The following CACNA1C variants were observed in gnomAD, a reference collection of about 807,000 sequenced individuals.
CACNA1C encodes the protein voltage-dependent L-type calcium channel subunit alpha-1C.
A neutral mutation model predicts 229.0 loss-of-function variants in CACNA1C; 30 were observed. That is an observed-to-expected ratio of 0.13 (90% CI 0.10 to 0.18). CACNA1C has a LOEUF of 0.18. Ranked by LOEUF, CACNA1C falls within the 10% of genes least tolerant of loss-of-function variation. The probability of loss-of-function intolerance (pLI) is 1.00; values close to 1 mark genes in which losing one functional copy is unlikely to be tolerated. For synonymous variants in CACNA1C, 1,114 were observed against 1,132.5 expected, an observed-to-expected ratio of 0.98 and a Z score of 0.33; for missense variants, 1,658 against 2,845.0, an observed-to-expected ratio of 0.58 and a Z score of 9.49.
At chr12:2,250,060 G>A (rs1394171248) in intron 3 of CACNA1C, among the ~76,000 whole-genome samples, 1 of 151,940 alleles carries the variant, frequency 6.6e-6, no homozygotes, top group Non-Finnish European at 1.5e-5. Flanking sequence ...CACCTGCCTC[G>A]GCCTCCCAGA....
At chr12:2,236,696 C>A (rs1337859215) in intron 3 of CACNA1C, among the ~76,000 whole-genome samples, 1 of 152,150 alleles carries the variant, frequency 6.6e-6, no homozygotes, top group East Asian at 1.9e-4. Flanking sequence ...AAGGTTGAAT[C>A]CATCACAAAA....
intron 3 of CACNA1C, among the ~76,000 whole-genome samples, chr12:2,211,573 CCTT>C (rs773247373): frequency 1.0e-3 from 159 of 152,308 alleles, no homozygotes; most frequent in Non-Finnish European, 2.1e-3. Context: ...AGCAGACTCT[CCTT>C]CTTCTAAGAG....
At chr12:2,099,504 G>A (rs537188469) in intron 1 of CACNA1C, among the ~76,000 whole-genome samples, 1 of 152,196 alleles carries the variant, frequency 6.6e-6, no homozygotes, top group East Asian at 2.0e-4. Flanking sequence ...GGAGGCAGGC[G>A]GCCTGTCTGT....
intron 3 of CACNA1C, among the ~76,000 whole-genome samples, chr12:2,242,763 T>A (rs2071101817): frequency 6.6e-6 from 1 of 152,248 alleles, no homozygotes; most frequent in African/African-American, 2.4e-5. Context: ...TTTCCTTGTT[T>A]GTAAATGAGA....
chr12:2,194,286 CCCT>C (rs2097334415), intron 3 of CACNA1C, among the ~76,000 whole-genome samples: 44 of 145,950 alleles, frequency 3.0e-4, no homozygotes, highest in Admixed American at 2.7e-3. Context: ...CTGCTCCTAT[CCCT>C]CCTCCTCCTA....
chr12:2,197,261 G>A (rs1170089007), intron 3 of CACNA1C, among the ~76,000 whole-genome samples: 2 of 152,204 alleles, frequency 1.3e-5, no homozygotes, highest in Non-Finnish European at 2.9e-5. Context: ...CCCTGTTACA[G>A]TGTGTAAACT....
intron 3 of CACNA1C, among the ~76,000 whole-genome samples, chr12:2,426,179 A>C (rs1017623538): frequency 6.6e-6 from 1 of 152,226 alleles, no homozygotes; most frequent in Non-Finnish European, 1.5e-5. Context: ...TGAGCAGTAC[A>C]TACGCCCACC....
chr12:2,355,545 A>G (rs945454122), intron 3 of CACNA1C, among the ~76,000 whole-genome samples: 2 of 152,210 alleles, frequency 1.3e-5, no homozygotes, highest in African/African-American at 4.8e-5. Context: ...GAGACTTGTC[A>G]AAACCCTACT....
rs369322665 is a variant in CACNA1C, at chr12:1,986,015, G to A, written c.139+14814G>A. 1.1e-4 allele frequency among the ~76,000 whole-genome samples: 16 copies of A among 151,962 alleles called. 1 individual carries two copies. The highest frequency in any genetic ancestry group is 6.2e-4 in the South Asian group (3 of 4,816). ...TTTTTAGTAGAGATGGAGTTTCACC[G>A]TGTTAGCCAGGATGGTCTCGATCTC... On this transcript the variant is annotated intron_variant, in intron 1 of 46. Coordinates refer to the CACNA1C transcript ENST00000682462.
rs759910534 is a variant in CACNA1C, at chr12:2,079,588, C to T, written c.49+25977C>T. 1.1e-4 allele frequency among the ~76,000 whole-genome samples: 17 copies of T among 152,130 alleles called. 1 individual carries two copies. Among genetic ancestry groups the T allele is most frequent in the Admixed American group, 7.2e-4 (11 of 15,268 alleles). On this transcript the variant is annotated intron_variant, in intron 1 of 46. Transcript: ENST00000399655. ...TATGACCTAATTACCTCCAGAAGGCCGCACCTCCTCATACCATCACACTGG... is the reference window on the plus strand; with the variant it reads ...TATGACCTAATTACCTCCAGAAGGCTGCACCTCCTCATACCATCACACTGG...
chr12:2,298,672 A>G (rs571231145), intron 3 of CACNA1C, among the ~76,000 whole-genome samples: 2 of 152,338 alleles, frequency 1.3e-5, no homozygotes, highest in East Asian at 1.9e-4. Context: ...GAAGGTGACA[A>G]GTGGAGCCCG....
chr12:2,161,783 A>G (rs1043309461), intron 3 of CACNA1C, among the ~76,000 whole-genome samples: 2 of 152,182 alleles, frequency 1.3e-5, no homozygotes, highest in Non-Finnish European at 2.9e-5. Flanking sequence ...CAGGCTGGAG[A>G]CCGTATATCA....
chr12:2,292,105 A>G (rs1331592171), intron 3 of CACNA1C, among the ~76,000 whole-genome samples: 1 of 152,240 alleles, frequency 6.6e-6, no homozygotes, highest in Non-Finnish European at 1.5e-5. Flanking sequence ...ACAGACAGCC[A>G]TGAAGCACTA....
chr12:2,288,685 T>A (rs950032788), intron 3 of CACNA1C: 2 of 152,196 alleles, frequency 1.3e-5, no homozygotes, highest in South Asian at 4.1e-4. Flanking sequence ...CACCGCCCCA[T>A]GCTTGTATCT....
intron 20 of CACNA1C, chr12:2,596,310 T>G: frequency 7.9e-6 from 2 of 252,966 alleles, no homozygotes; most frequent in East Asian, 8.4e-5. Context: ...ATGTGGCCAC[T>G]GACTACATGC....
intron 25 of CACNA1C, 91 bp downstream of exon 25, chr12:2,606,754 TAA>T: frequency 8.4e-7 from 1 of 1,192,024 alleles, no homozygotes; most frequent in Non-Finnish European, 1.2e-6. Context: ...GCTCATTTTC[TAA>T]GACTGCAGTG....
At chr12:2,274,528 C>T (rs1358341925) in intron 3 of CACNA1C, among the ~76,000 whole-genome samples, 2 of 152,176 alleles carry the variant, frequency 1.3e-5, no homozygotes, top group African/African-American at 2.4e-5. Context: ...AGAACAGTGA[C>T]GGTGAGCACA....
chr12:2,319,587 G>A lies in CACNA1C; in HGVS notation c.478-129389G>A, dbSNP rs2095870554. On this transcript the variant is annotated intron_variant, in intron 3 of 46. Coordinates refer to ENST00000399655, the MANE Select transcript of CACNA1C (RefSeq NM_000719.7). This position sits in a 1 kb window ranked among gnomAD's most constrained non-coding sequence, Gnocchi z 4.0. ...TGCCGGGTGAGCCTGAGATAAGGGTGTAGCTCTGCTCATTTCTGGAGGTCT... is the reference window on the plus strand; with the variant it reads ...TGCCGGGTGAGCCTGAGATAAGGGTATAGCTCTGCTCATTTCTGGAGGTCT... 6.6e-6 allele frequency among the ~76,000 whole-genome samples: 1 copy of A among 152,166 alleles called. No individual in the cohort carries two copies. Among genetic ancestry groups the A allele is most frequent in the Non-Finnish European group, 1.5e-5 (1 of 68,030 alleles).
At chr12:2,464,743 A>T (rs1278870397) in intron 5 of CACNA1C, among the ~76,000 whole-genome samples, 1 of 152,246 alleles carries the variant, frequency 6.6e-6, no homozygotes. Flanking sequence ...GCTCGCTATT[A>T]AACGGAAGTT....
Sources: gnomAD v4.1 joint callset for allele counts (sites outside exome capture counted in the v4.1 genomes callset) on GRCh38, gnomAD v4.1.1 for gene constraint, Gnocchi (gnomAD v3.1) non-coding constraint, MANE v1.5 for transcripts, NCBI Gene and HGNC (gene_info 2026-07-23, HGNC 2026-07-21) for gene names.